KCND3: variants seen among roughly 807,000 people sequenced by gnomAD.
The protein encoded by KCND3 is potassium voltage-gated channel subfamily D member 3.
In KCND3, 9 loss-of-function variants were observed where a neutral mutation model predicts 51.1. The ratio of observed to expected loss-of-function variants is 0.18; its 90% CI spans 0.11 to 0.31. The LOEUF (loss-of-function observed/expected upper bound fraction) is 0.31. Ranked by LOEUF, KCND3 falls within the 10% of genes least tolerant of loss-of-function variation. KCND3 has a pLI of 1.00. For missense variants in KCND3, 526 were observed against 903.8 expected (o/e 0.58, Z 5.36); for synonymous variants, 349 against 368.0 (o/e 0.95, Z 0.59).
chr1:111,945,751 TGTCATCA>T (rs1198258186), intron 2 of KCND3, among the ~76,000 whole-genome samples: 7 of 152,256 alleles, frequency 4.6e-5, no homozygotes, highest in Non-Finnish European at 1.0e-4. Context: ...GGTCCTGGGC[TGTCATCA>T]GTGTTGCAGG....
intron 2 of KCND3, among the ~76,000 whole-genome samples, chr1:111,970,980 C>T (rs577069646): frequency 4.3e-4 from 66 of 152,190 alleles, no homozygotes; most frequent in Admixed American, 1.7e-3. Context: ...GTGATACCAG[C>T]GGGTGCATCT....
At chr1:111,874,837 G>C (rs1668982182) in intron 2 of KCND3, among the ~76,000 whole-genome samples, 1 of 152,146 alleles carries the variant, frequency 6.6e-6, no homozygotes, top group African/African-American at 2.4e-5. Context: ...CTAGACCCCA[G>C]GGCCTTTCCT....
At position 111,777,074 on chromosome 1, in the gene KCND3, A is replaced by G; in HGVS notation, c.1718T>C (p.Leu573Pro). The change falls in exon 7 of 8, where the codon CTC (leucine) becomes CCC (proline). Residue 573 changes from leucine (L) to proline (P), a missense_variant. Transcript: ENST00000302127. Reference protein sequence around the residue: ...PATRLRSMQELSTIHIQGSEQ... With the variant: ...PATRLRSMQEPSTIHIQGSEQ... ...ACTGCCCTGGATGTGGATCGTGCTG[A>G]GCTCTTGCATGCTGCGCAGGCGAGT... The G allele has an allele frequency of 6.2e-7, 1 of 1,613,920 alleles. No homozygotes were observed.
chr1:111,985,800 A>T (rs999410948), intron 1 of KCND3, among the ~76,000 whole-genome samples: 1 of 152,162 alleles, frequency 6.6e-6, no homozygotes, highest in Non-Finnish European at 1.5e-5. Context: ...TCTCTCCCTA[A>T]TAAAGGGAGG....
At chr1:111,876,052 A>G (rs1410028171) in intron 2 of KCND3, among the ~76,000 whole-genome samples, 1 of 152,182 alleles carries the variant, frequency 6.6e-6, no homozygotes, top group Non-Finnish European at 1.5e-5. Flanking sequence ...AGGTCTTAGG[A>G]AATCCACTAC....
intron 2 of KCND3, among the ~76,000 whole-genome samples, chr1:111,848,371 C>CT (rs1667659250): frequency 2.0e-5 from 3 of 152,174 alleles, no homozygotes. Flanking sequence ...TTTCTGCATT[C>CT]GAGAAAGTCC....
chr1:111,887,831 G>A (rs953713929), intron 2 of KCND3, among the ~76,000 whole-genome samples: 2 of 152,238 alleles, frequency 1.3e-5, no homozygotes, highest in African/African-American at 2.4e-5. Flanking sequence ...AGAAGGACTT[G>A]TCATTTGGAG....
intron 2 of KCND3, among the ~76,000 whole-genome samples, chr1:111,923,076 T>C (rs564477800): frequency 3.3e-5 from 5 of 152,326 alleles, no homozygotes; most frequent in African/African-American, 1.2e-4. Flanking sequence ...GCAAATTGCC[T>C]GACCTCTCAA....
intron 2 of KCND3, among the ~76,000 whole-genome samples, chr1:111,820,109 C>T (rs1469097495): frequency 1.3e-5 from 2 of 152,198 alleles, no homozygotes; most frequent in Admixed American, 6.5e-5. Context: ...CCAAATGCTC[C>T]TTTACAACCC....
intron 2 of KCND3, among the ~76,000 whole-genome samples, chr1:111,863,676 T>C (rs1668432264): frequency 6.6e-6 from 1 of 152,198 alleles, no homozygotes; most frequent in African/African-American, 2.4e-5. Context: ...TGGTGGCTCA[T>C]GATGAAGAGT....
Position 111,770,882 on chromosome 1 carries a change from T to C in KCND3, c.*5195A>G, listed in dbSNP as rs917089849. On this transcript the variant is annotated 3_prime_UTR_variant, in exon 8 of 8. Coordinates refer to ENST00000302127, the MANE Select transcript of KCND3 (RefSeq NM_001378969.1). ...TGTACAGTATATTTCTTCTTTGCCATTGTGATGTTGATAAGCAAAGCCCAT... is the reference window on the plus strand; with the variant it reads ...TGTACAGTATATTTCTTCTTTGCCACTGTGATGTTGATAAGCAAAGCCCAT... 10 of 152,152 alleles carry C rather than the reference T, an allele frequency of 6.6e-5. No homozygotes were observed. Among genetic ancestry groups the C allele is most frequent in the African/African-American group, 2.4e-4 (10 of 41,432 alleles). 9.4% of individuals were successfully genotyped at this position (152,152 alleles called of 1,614,324 possible).
At chr1:111,819,546 AC>A (rs952796395) in intron 2 of KCND3, among the ~76,000 whole-genome samples, 1 of 152,204 alleles carries the variant, frequency 6.6e-6, no homozygotes, top group African/African-American at 2.4e-5. Flanking sequence ...CTCACAGCTC[AC>A]CAGCAGCCTG....
intron 2 of KCND3, among the ~76,000 whole-genome samples, chr1:111,822,350 C>A (rs1028759713): frequency 3.9e-5 from 6 of 152,084 alleles, no homozygotes. Flanking sequence ...TTCATCTTCC[C>A]AAACTGAAAC....
At chr1:111,936,709 C>T (rs2995810) in intron 2 of KCND3, among the ~76,000 whole-genome samples, 101,987 of 152,100 alleles carry the variant, frequency 0.67, 34,297 homozygotes, top group South Asian at 0.73. Flanking sequence ...CTCAGGGAAA[C>T]GTCCCTGCTC....
intron 2 of KCND3, among the ~76,000 whole-genome samples, chr1:111,880,489 G>A (rs1669250166): frequency 6.6e-6 from 1 of 152,190 alleles, no homozygotes; most frequent in Admixed American, 6.5e-5. Context: ...TGTCTCAGGT[G>A]GATGGAAGGT....
chr1:111,823,937 A>G (rs1226502240), intron 2 of KCND3, among the ~76,000 whole-genome samples: 1 of 152,236 alleles, frequency 6.6e-6, no homozygotes, highest in African/African-American at 2.4e-5. Flanking sequence ...CAAAAGCAAA[A>G]GAAAAAATCT....
chr1:111,850,358 G>T (rs1423679616), intron 2 of KCND3, among the ~76,000 whole-genome samples: 3 of 152,076 alleles, frequency 2.0e-5, no homozygotes, highest in South Asian at 2.1e-4. Flanking sequence ...TGTGCTTGGG[G>T]ACACAGCTCC....
At chr1:111,852,844 G>A (rs1002752624) in intron 2 of KCND3, among the ~76,000 whole-genome samples, 3 of 152,172 alleles carry the variant, frequency 2.0e-5, no homozygotes, top group Non-Finnish European at 4.4e-5. Flanking sequence ...CTTGCCTAGT[G>A]GTGGTTTTCT....
At chr1:111,945,170 C>T (rs1334776393) in intron 2 of KCND3, among the ~76,000 whole-genome samples, 1 of 152,208 alleles carries the variant, frequency 6.6e-6, no homozygotes, top group Non-Finnish European at 1.5e-5. Context: ...AGCCCCAGGG[C>T]ACCCCTCCTC....
Sources: gnomAD v4.1 joint callset for allele counts (sites outside exome capture counted in the v4.1 genomes callset) on GRCh38, gnomAD v4.1.1 for gene constraint, MANE v1.5 for transcripts, NCBI Gene and HGNC (gene_info 2026-07-23, HGNC 2026-07-21) for gene names.